SMAP1: variants seen among roughly 807,000 people sequenced by gnomAD.
SMAP1 encodes small ArfGAP 1.
A neutral mutation model predicts 58.5 loss-of-function variants in SMAP1; 24 were observed. That is an observed-to-expected ratio of 0.41 (90% CI 0.30 to 0.58). SMAP1 has a LOEUF of 0.58. SMAP1 is among the 20% of genes least tolerant of loss of function. SMAP1 has a pLI of 0.29. For synonymous variants in SMAP1, 216 were observed against 196.6 expected (o/e 1.10, Z -0.82); for missense variants, 563 against 566.3 (o/e 0.99, Z 0.06).
At chr6:70,796,664 G>T (rs187767823) in intron 5 of SMAP1, among the ~76,000 whole-genome samples, 1 of 152,248 alleles carries the variant, frequency 6.6e-6, no homozygotes, top group African/African-American at 2.4e-5. Flanking sequence ...TAGATATGAA[G>T]ATCTTTTTTG....
chr6:70,803,634 T>C (rs1339196370), intron 6 of SMAP1, among the ~76,000 whole-genome samples: 1 of 152,246 alleles, frequency 6.6e-6, no homozygotes, highest in East Asian at 1.9e-4. Context: ...GGGCATTTAG[T>C]GCTATAAATT....
intron 10 of SMAP1, chr6:70,859,295 C>T (rs1771587950): frequency 6.7e-7 from 1 of 1,483,166 alleles, no homozygotes; most frequent in Non-Finnish European, 9.1e-7. Flanking sequence ...GCTAGATGAA[C>T]CAGGAAGGAG....
At chr6:70,788,122 A>C (rs1168883310) in intron 4 of SMAP1, among the ~76,000 whole-genome samples, 1 of 152,046 alleles carries the variant, frequency 6.6e-6, no homozygotes, top group African/African-American at 2.4e-5. Context: ...ATGCAGCCAT[A>C]AAAAATGATG....
intron 7 of SMAP1, among the ~76,000 whole-genome samples, chr6:70,848,846 TA>T (rs1453281648): frequency 6.6e-6 from 1 of 152,206 alleles, no homozygotes; most frequent in Non-Finnish European, 1.5e-5. Context: ...ATGTTGTAAG[TA>T]AAATTAGCAA....
At chr6:70,826,967 G>GA (rs1465080758) in intron 6 of SMAP1, among the ~76,000 whole-genome samples, 7 of 116,118 alleles carry the variant, frequency 6.0e-5, no homozygotes, top group Non-Finnish European at 7.4e-5. Context: ...AAAAGAAAAA[G>GA]AAAAGAAAAA....
chr6:70,782,123 C>T (rs1251911742), intron 4 of SMAP1, among the ~76,000 whole-genome samples: 4 of 152,056 alleles, frequency 2.6e-5, no homozygotes, highest in Admixed American at 2.0e-4. Context: ...CAATTTCCAG[C>T]AAAATTTTCT....
At chr6:70,692,039 C>A (rs1767192739) in intron 1 of SMAP1, among the ~76,000 whole-genome samples, 1 of 152,128 alleles carries the variant, frequency 6.6e-6, no homozygotes. Flanking sequence ...AATCTCCGTA[C>A]TGTTCTTCAT....
chr6:70,765,365 T>G (rs1266800308), intron 3 of SMAP1, among the ~76,000 whole-genome samples: 1 of 152,238 alleles, frequency 6.6e-6, no homozygotes, highest in African/African-American at 2.4e-5. Flanking sequence ...GGCATATTTC[T>G]GGTCACAAAT....
At chr6:70,765,975 T>G (rs984049055) in intron 3 of SMAP1, among the ~76,000 whole-genome samples, 1 of 146,002 alleles carries the variant, frequency 6.8e-6, no homozygotes, top group Non-Finnish European at 1.5e-5. Flanking sequence ...AATTCCCACC[T>G]ATGAGTGAGA....
At chr6:70,791,836 G>A in intron 5 of SMAP1, 67 bp downstream of exon 5, 2 of 1,323,280 alleles carry the variant, frequency 1.5e-6, no homozygotes, top group Non-Finnish European at 2.2e-6. Flanking sequence ...CTTTTGCAGT[G>A]TGTCATTCGG....
chr6:70,752,197 GA>G (rs905081553), intron 2 of SMAP1, among the ~76,000 whole-genome samples: 1 of 152,126 alleles, frequency 6.6e-6, no homozygotes, highest in African/African-American at 2.4e-5. Context: ...TTAACCAGTA[GA>G]AAAATCATAC....
intron 1 of SMAP1, among the ~76,000 whole-genome samples, chr6:70,700,543 C>A (rs1305228755): frequency 6.6e-6 from 1 of 152,230 alleles, no homozygotes; most frequent in African/African-American, 2.4e-5. Flanking sequence ...AGTGATCCAC[C>A]TGCCTTGGCC....
intron 6 of SMAP1, among the ~76,000 whole-genome samples, chr6:70,824,513 ATGT>A (rs771394794): frequency 3.3e-5 from 5 of 152,174 alleles, no homozygotes; most frequent in South Asian, 2.1e-4. Context: ...TTGTTACTTA[ATGT>A]TGTTTTAAAT....
intron 1 of SMAP1, among the ~76,000 whole-genome samples, chr6:70,691,421 A>G (rs1767161692): frequency 6.6e-6 from 1 of 152,172 alleles, no homozygotes; most frequent in Non-Finnish European, 1.5e-5. Flanking sequence ...GGTTTCCATC[A>G]CCTCAAGCAT....
intron 6 of SMAP1, among the ~76,000 whole-genome samples, chr6:70,803,208 A>G (rs535055845): frequency 1.4e-4 from 22 of 152,260 alleles, no homozygotes; most frequent in South Asian, 6.2e-4. Flanking sequence ...CAGAGATTCA[A>G]CTTATTCCTG....
At chr6:70,828,535 C>A (rs1770232012) in intron 6 of SMAP1, among the ~76,000 whole-genome samples, 1 of 152,148 alleles carries the variant, frequency 6.6e-6, no homozygotes, top group African/African-American at 2.4e-5. Context: ...GATTTTTCTT[C>A]CTCACTGCAG....
At chr6:70,754,870 T>C in intron 2 of SMAP1, 110 bp from the exon 3 acceptor site, 1 of 552,016 alleles carries the variant, frequency 1.8e-6, no homozygotes, top group Non-Finnish European at 3.2e-6. Context: ...GAATATATAT[T>C]GGAAATAATA....
intron 9 of SMAP1, chr6:70,857,530 CA>C (rs1264933363): frequency 5.6e-6 from 1 of 178,928 alleles, no homozygotes; most frequent in Non-Finnish European, 1.2e-5. Context: ...AATTGTTGGG[CA>C]GCCCACTACA....
chr6:70,725,794 C>A (rs1016792170), intron 1 of SMAP1, among the ~76,000 whole-genome samples: 7 of 152,180 alleles, frequency 4.6e-5, no homozygotes, highest in Non-Finnish European at 1.0e-4. Flanking sequence ...ATTCTTACTT[C>A]TTTTTATCTT....
Sources: gnomAD v4.1 joint callset for allele counts (sites outside exome capture counted in the v4.1 genomes callset) on GRCh38, gnomAD v4.1.1 for gene constraint, MANE v1.5 for transcripts, NCBI Gene and HGNC (gene_info 2026-07-23, HGNC 2026-07-21) for gene names.